Variants in ANKMY2 observed in about 807,000 individuals in gnomAD.
ANKMY2 encodes ankyrin repeat and MYND domain-containing protein 2.
In ANKMY2, 36 loss-of-function variants were observed where a neutral mutation model predicts 50.4. The ratio of observed to expected loss-of-function variants is 0.71; its 90% confidence interval spans 0.55 to 0.94. The LOEUF is 0.94. ANKMY2 is among the 40% of genes least tolerant of loss of function. ANKMY2 has a pLI of 0.00. For missense variants in ANKMY2, 565 were observed against 524.0 expected (o/e 1.08, Z -0.76); for synonymous variants, 187 against 178.8 (o/e 1.05, Z -0.36).
intron 4 of ANKMY2, among the ~76,000 whole-genome samples, chr7:16,622,021 A>G (rs1450170258): frequency 3.3e-5 from 5 of 151,876 alleles, no homozygotes; most frequent in Non-Finnish European, 1.5e-5. Context: ...AAAGGTCTCC[A>G]TAAAGTTAAA....
At chr7:16,635,184 A>G (rs1263833214) in intron 2 of ANKMY2, among the ~76,000 whole-genome samples, 1 of 152,230 alleles carries the variant, frequency 6.6e-6, no homozygotes, top group Non-Finnish European at 1.5e-5. Context: ...CTCAGCAAGA[A>G]AAAGGAATAA....
chr7:16,619,396 C>T (rs1005809873), intron 4 of ANKMY2, among the ~76,000 whole-genome samples: 12 of 152,050 alleles, frequency 7.9e-5, no homozygotes, highest in African/African-American at 2.4e-4. Context: ...TCAGGTGATC[C>T]GCCCGCCTTG....
intron 7 of ANKMY2, among the ~76,000 whole-genome samples, chr7:16,605,339 T>C (rs1353139847): frequency 1.3e-5 from 2 of 152,228 alleles, no homozygotes; most frequent in African/African-American, 4.8e-5. Context: ...TGTTGGCTTG[T>C]AATTCAAATA....
chr7:16,645,269 G>A (rs1781817978), intron 1 of ANKMY2, among the ~76,000 whole-genome samples: 2 of 152,140 alleles, frequency 1.3e-5, no homozygotes, highest in Admixed American at 1.3e-4. Flanking sequence ...TTCCAAAAGC[G>A]GATTTAGAGG....
rs1781088576 is a variant in ANKMY2, at chr7:16,602,519, A to G, written c.1012-10T>C. 6.2e-7 allele frequency: 1 copy of G among 1,606,662 alleles called. No homozygotes were observed. Among genetic ancestry groups the G allele is most frequent in the Admixed American group, 1.7e-5 (1 of 58,550 alleles). ...GATCACAATATATTACCTGAAAGCA[A>G]TTGTTGGTTTATTTTCATTTCCAGA... On this transcript the variant is annotated splice_polypyrimidine_tract_variant and intron_variant, in intron 8 of 9. Transcript: ENST00000306999.
At chr7:16,614,221 G>C (rs1157302851) in intron 5 of ANKMY2, among the ~76,000 whole-genome samples, 1 of 152,182 alleles carries the variant, frequency 6.6e-6, no homozygotes, top group African/African-American at 2.4e-5. Context: ...TTTTCCCTAG[G>C]TATGCTGGGA....
intron 1 of ANKMY2, among the ~76,000 whole-genome samples, chr7:16,641,991 T>C (rs1005425594): frequency 2.6e-5 from 4 of 152,158 alleles, no homozygotes; most frequent in Non-Finnish European, 4.4e-5. Flanking sequence ...GTTTCACAGA[T>C]GTATGTTTAA....
At chr7:16,607,801 C>T (rs140496835) in intron 7 of ANKMY2, among the ~76,000 whole-genome samples, 3,392 of 151,000 alleles carry the variant, frequency 0.022, 55 homozygotes, top group Middle Eastern at 0.035. Context: ...CTGCTAGTTG[C>T]TTCTCTGATA....
intron 9 of ANKMY2, 115 bp from the exon 10 acceptor site, chr7:16,601,060 C>A: frequency 1.4e-6 from 1 of 706,726 alleles, no homozygotes; most frequent in Non-Finnish European, 2.1e-6. Flanking sequence ...ATTAGTATCT[C>A]TACTGTCATC....
chr7:16,624,706 C>G (rs1781486593), intron 4 of ANKMY2, among the ~76,000 whole-genome samples: 2 of 152,158 alleles, frequency 1.3e-5, no homozygotes, highest in South Asian at 4.1e-4. Flanking sequence ...TTAGGGTTAG[C>G]TACTTCCATC....
At chr7:16,635,339 G>A (rs113371759) in intron 2 of ANKMY2, among the ~76,000 whole-genome samples, 8 of 152,134 alleles carry the variant, frequency 5.3e-5, no homozygotes, top group Non-Finnish European at 1.0e-4. Flanking sequence ...AATGCTTTTT[G>A]CAGGAGTGGG....
chr7:16,619,448 C>A (rs1170534947), intron 4 of ANKMY2, among the ~76,000 whole-genome samples: 1 of 152,112 alleles, frequency 6.6e-6, no homozygotes, highest in Non-Finnish European at 1.5e-5. Flanking sequence ...GCTACTGTGC[C>A]CGGCCTAATT....
intron 5 of ANKMY2, among the ~76,000 whole-genome samples, chr7:16,614,903 G>C (rs1781315802): frequency 6.6e-6 from 1 of 152,326 alleles, no homozygotes; most frequent in East Asian, 1.9e-4. Flanking sequence ...TAGCACACAT[G>C]TAGCTGTGTA....
chr7:16,606,484 A>T (rs1044903215), intron 7 of ANKMY2, among the ~76,000 whole-genome samples: 6 of 152,080 alleles, frequency 3.9e-5, no homozygotes, highest in Non-Finnish European at 7.4e-5. Context: ...GATGCTACTA[A>T]AACCTATTTA....
intron 3 of ANKMY2, among the ~76,000 whole-genome samples, chr7:16,626,795 A>G (rs1166243564): frequency 6.6e-6 from 1 of 152,188 alleles, no homozygotes; most frequent in East Asian, 1.9e-4. Context: ...CAGTTCCTCA[A>G]TTCCATCAAA....
intron 4 of ANKMY2, among the ~76,000 whole-genome samples, chr7:16,616,996 T>C (rs899523455): frequency 6.6e-6 from 1 of 152,200 alleles, no homozygotes; most frequent in African/African-American, 2.4e-5. Flanking sequence ...GCTTCATCCT[T>C]GTGCCTCAGC....
chr7:16,621,771 C>T (rs935780489), intron 4 of ANKMY2, among the ~76,000 whole-genome samples: 5 of 152,064 alleles, frequency 3.3e-5, no homozygotes, highest in Admixed American at 1.3e-4. Flanking sequence ...GAGTTCGAGA[C>T]CAGCCTGGCC....
chr7:16,641,969 A>T (rs747338858), intron 1 of ANKMY2, among the ~76,000 whole-genome samples: 1 of 152,184 alleles, frequency 6.6e-6, no homozygotes, highest in Non-Finnish European at 1.5e-5. Context: ...CATTATGTTG[A>T]TCTTACTGAT....
At chr7:16,624,623 G>T (rs1781483646) in intron 4 of ANKMY2, among the ~76,000 whole-genome samples, 1 of 152,118 alleles carries the variant, frequency 6.6e-6, no homozygotes, top group Non-Finnish European at 1.5e-5. Flanking sequence ...GAATTATTAA[G>T]TACTTTGCTA....
Sources: allele counts gnomAD v4.1 joint callset (sites outside exome capture counted in the v4.1 genomes callset), GRCh38; gene constraint gnomAD v4.1.1; transcripts MANE v1.5; gene names NCBI Gene and HGNC (gene_info 2026-07-23, HGNC 2026-07-21).